The following CCDC171 variants were observed in gnomAD, a reference collection of about 807,000 sequenced individuals.
CCDC171 encodes coiled-coil domain containing 171.
A neutral mutation model predicts 168.2 loss-of-function variants in CCDC171; 177 were observed. That is an observed-to-expected ratio of 1.05 (90% confidence interval 0.93 to 1.19). The LOEUF (loss-of-function observed/expected upper bound fraction) is 1.19. CCDC171 is among the 50% of genes most tolerant of loss of function. CCDC171 has a pLI of 0.00. For synonymous variants in CCDC171, 687 were observed against 540.8 expected (o/e 1.27, Z -3.75); for missense variants, 1,991 against 1,539.0 (o/e 1.29, Z -4.91).
At chr9:15,560,660 C>G (rs1392640645) in intron 1 of CCDC171, among the ~76,000 whole-genome samples, 1 of 152,084 alleles carries the variant, frequency 6.6e-6, no homozygotes, top group Non-Finnish European at 1.5e-5. Context: ...AGCTTCTTTG[C>G]GATGGGTTTG....
intron 25 of CCDC171, among the ~76,000 whole-genome samples, chr9:15,943,917 A>G (rs566797442): frequency 6.6e-6 from 1 of 152,114 alleles, no homozygotes; most frequent in East Asian, 1.9e-4. Flanking sequence ...AAGAAGTTGT[A>G]TTTGAGCTTG....
intron 6 of CCDC171, among the ~76,000 whole-genome samples, chr9:16,030,877 G>A (rs1464332222): frequency 6.6e-6 from 1 of 152,026 alleles, no homozygotes; most frequent in Admixed American, 6.6e-5. Context: ...TTTCAAGAGG[G>A]TGGAGGGAAA....
intron 21 of CCDC171, among the ~76,000 whole-genome samples, chr9:15,792,893 G>T (rs1002309730): frequency 1.3e-5 from 2 of 151,898 alleles, no homozygotes; most frequent in African/African-American, 4.8e-5. Context: ...AGACCATCGA[G>T]GCTAGGAAGA....
chr9:15,942,830 A>G (rs901384855), intron 25 of CCDC171, among the ~76,000 whole-genome samples: 1 of 151,998 alleles, frequency 6.6e-6, no homozygotes, highest in Non-Finnish European at 1.5e-5. Flanking sequence ...ATAGGGTATT[A>G]TAGAAATTTT....
chr9:15,609,867 C>T (rs2043521458), intron 6 of CCDC171, among the ~76,000 whole-genome samples: 1 of 152,086 alleles, frequency 6.6e-6, no homozygotes, highest in African/African-American at 2.4e-5. Context: ...TGTATTCCAT[C>T]AAGAGACCTT....
rs142249022 is a variant in CCDC171, at chr9:15,744,467, G to A, written c.2244G>A (p.Leu748=). 9.9e-5 allele frequency: 159 copies of A among 1,613,838 alleles called. No homozygotes were observed. The African/African-American group carries it at 1.9e-3, about 19-fold the overall frequency. The change falls in exon 17 of 26, where the codon TTG becomes TTA. Residue 748 remains leucine, a synonymous_variant. Transcript: ENST00000380701. ...CCCTCTATAGCCGATCATGCGCCTT[G>A]TCTACACAGAGAGATTTTCTCCAGG... ...LYPLYSRSCA[L]STQRDFLQEQ...
rs751257040 is a variant in CCDC171, at chr9:15,920,438, A to T, written c.3753+16A>T. 7.0e-6 allele frequency: 11 copies of T among 1,564,946 alleles called. No homozygotes were observed. ...TTTACAATCAGTAAGTCCTTGTCTA[A>T]CAATATTTTTATAACTTTTTGAATC... On this transcript the variant is annotated intron_variant, in intron 25 of 25. Coordinates refer to ENST00000380701, the MANE Select transcript of CCDC171 (RefSeq NM_173550.4).
At chr9:15,785,941 C>T (rs1435511588) in intron 21 of CCDC171, among the ~76,000 whole-genome samples, 1 of 151,552 alleles carries the variant, frequency 6.6e-6, no homozygotes, top group Non-Finnish European at 1.5e-5. Context: ...CCAGGGTATC[C>T]TGTAAATGTT....
At chr9:15,675,187 G>GTTTTTTTTTTTTTT (rs138989790) in intron 9 of CCDC171, among the ~76,000 whole-genome samples, 14 of 75,544 alleles carry the variant, frequency 1.9e-4, no homozygotes, top group African/African-American at 2.8e-4. Flanking sequence ...TGCAACTCCT[G>GTTTTTTTTTTTTTT]TTTTTTTTTT....
intron 25 of CCDC171, among the ~76,000 whole-genome samples, chr9:15,938,623 C>CT (rs759122508): frequency 6.6e-6 from 1 of 151,882 alleles, no homozygotes; most frequent in East Asian, 1.9e-4. Flanking sequence ...GGATATATTG[C>CT]ATTTGTTCTT....
At chr9:15,904,898 A>G (rs1000041957) in intron 24 of CCDC171, among the ~76,000 whole-genome samples, 9 of 151,536 alleles carry the variant, frequency 5.9e-5, no homozygotes, top group Admixed American at 6.6e-5. Flanking sequence ...CAGACTTTAA[A>G]CCAACAAAGA....
At chr9:15,753,752 T>A (rs2055913613) in intron 18 of CCDC171, among the ~76,000 whole-genome samples, 2 of 152,138 alleles carry the variant, frequency 1.3e-5, no homozygotes, top group South Asian at 4.1e-4. Context: ...GGGTAAGTTT[T>A]AAGTGTTTGT....
chr9:16,057,267 A>C (rs561777921), intron 1 of CCDC171, among the ~76,000 whole-genome samples: 2 of 152,350 alleles, frequency 1.3e-5, no homozygotes, highest in African/African-American at 4.8e-5. Flanking sequence ...AAAGTCACGA[A>C]ACAAGAAGCA....
chr9:15,657,123 T>G lies in CCDC171; in HGVS notation c.823-4T>G. ...ATGAATTTAAACTTTTAATTTGTTTTCAGGCAACTACTCTAAGAGTGAGGA... is the reference window on the plus strand; with the variant it reads ...ATGAATTTAAACTTTTAATTTGTTTGCAGGCAACTACTCTAAGAGTGAGGA... On this transcript the variant is annotated splice_polypyrimidine_tract_variant and splice_region_variant and intron_variant, in intron 7 of 25. Coordinates refer to ENST00000380701, the MANE Select transcript of CCDC171 (RefSeq NM_173550.4). 1 of 1,558,638 alleles carries G rather than the reference T, an allele frequency of 6.4e-7. No individual in the cohort carries two copies. The highest frequency in any genetic ancestry group is 8.7e-7 in the Non-Finnish European group (1 of 1,144,412).
chr9:15,977,060 G>A (rs966337081), downstream of CCDC171, among the ~76,000 whole-genome samples: 1 of 152,124 alleles, frequency 6.6e-6, no homozygotes, highest in Non-Finnish European at 1.5e-5. Flanking sequence ...GGTTAAGTGA[G>A]ACATAAATGT....
chr9:15,665,465 A>G (rs767488148), intron 8 of CCDC171, among the ~76,000 whole-genome samples: 12 of 152,212 alleles, frequency 7.9e-5, no homozygotes, highest in Non-Finnish European at 1.5e-4. Flanking sequence ...CTTGTAAGAG[A>G]GGAAGAATAC....
chr9:15,954,797 C>G (rs1178519809), intron 25 of CCDC171, among the ~76,000 whole-genome samples: 1 of 151,804 alleles, frequency 6.6e-6, no homozygotes, highest in Admixed American at 6.6e-5. Context: ...CTTTCTATCT[C>G]TTTATTGATA....
intron 4 of CCDC171, among the ~76,000 whole-genome samples, chr9:15,582,324 T>C (rs956281570): frequency 7.2e-5 from 11 of 152,220 alleles, no homozygotes; most frequent in Non-Finnish European, 1.3e-4. Flanking sequence ...GCTTTTACAC[T>C]GTTGGTGGGA....
At chr9:15,603,409 C>T (rs1354299223) in intron 6 of CCDC171, among the ~76,000 whole-genome samples, 1 of 152,188 alleles carries the variant, frequency 6.6e-6, no homozygotes, top group African/African-American at 2.4e-5. Context: ...CCTCCCTTCA[C>T]TCCACCCTTG....
Sources: allele counts gnomAD v4.1 joint callset (sites outside exome capture counted in the v4.1 genomes callset), GRCh38; gene constraint gnomAD v4.1.1; transcripts MANE v1.5; gene names NCBI Gene and HGNC (gene_info 2026-07-23, HGNC 2026-07-21).